AEN: variants seen among roughly 807,000 people sequenced by gnomAD.
AEN encodes the protein apoptosis-enhancing nuclease.
Under a neutral mutation model 17.7 loss-of-function variants are expected in AEN, and 21 were observed. That is an observed-to-expected ratio of 1.19 (90% CI 0.84 to 1.71). AEN has a LOEUF of 1.71. Among genes scored for constraint, AEN ranks in the 40% most tolerant of loss-of-function variants. AEN has a pLI of 0.00. For missense variants in AEN, 462 were observed against 435.9 expected (o/e 1.06, Z -0.53); for synonymous variants, 190 against 173.0 (o/e 1.10, Z -0.77).
chr15:88,630,003 G>A lies in AEN; in HGVS notation c.742-55G>A. The A allele has an allele frequency of 6.4e-7, 1 of 1,554,984 alleles. No individual in the cohort carries two copies. Among genetic ancestry groups the A allele is most frequent in the Non-Finnish European group, 8.9e-7 (1 of 1,128,840 alleles). On this transcript the variant is annotated intron_variant, in intron 3 of 3. Transcript: ENST00000332810. The surrounding 1 kb of genome is among the most constrained non-coding windows in gnomAD (Gnocchi z 5.1). ...TGGGAAACTGGCCTTGCTTCTTGGGGTAACAGGCCTCTCACTAGGCCTGCA... is the reference window on the plus strand; with the variant it reads ...TGGGAAACTGGCCTTGCTTCTTGGGATAACAGGCCTCTCACTAGGCCTGCA...
At chr15:88,611,749 G>A in the AEN span, 10 of 366,652 alleles carry the variant, frequency 2.7e-5, no homozygotes, top group African/African-American at 8.8e-5. Context: ...ACAACGCCTC[G>A]CCTGAAGGAG....
intron 1 of AEN, among the ~76,000 whole-genome samples, chr15:88,622,653 G>A (rs1248821036): frequency 6.6e-6 from 1 of 152,128 alleles, no homozygotes; most frequent in Non-Finnish European, 1.5e-5. Context: ...ATTTCACAGT[G>A]TCCTTCTATA....
At chr15:88,629,522 CCTT>C in intron 3 of AEN, 96 bp downstream of exon 3, 1 of 1,413,262 alleles carries the variant, frequency 7.1e-7, no homozygotes, top group Admixed American at 2.1e-5. Flanking sequence ...TCTCCAGCCT[CCTT>C]GTCATTCTCT....
intron 2 of AEN, chr15:88,628,845 G>T: frequency 4.8e-6 from 1 of 209,500 alleles, no homozygotes; most frequent in Non-Finnish European, 9.7e-6. Context: ...GGGAGAGTTG[G>T]GTGGAGTGGG....
At position 88,631,470 on chromosome 15, in the gene AEN, C is replaced by T; in HGVS notation, c.*1176C>T. 4.3e-6 allele frequency: 1 copy of T among 233,470 alleles called. No homozygotes were observed. The highest frequency in any genetic ancestry group is 5.4e-5 in the South Asian group (1 of 18,468). 14.5% of individuals were successfully genotyped at this position (233,470 alleles called of 1,614,324 possible). A position where few individuals can be genotyped will look rare whatever the true frequency, so the allele number is the denominator to read the frequency against. ...GACCTTGGAGCCCCATCTTTGCTTGCAGCTTAGCTTTGAGATACTAAGCAA... is the reference window on the plus strand; with the variant it reads ...GACCTTGGAGCCCCATCTTTGCTTGTAGCTTAGCTTTGAGATACTAAGCAA... On this transcript the variant is annotated 3_prime_UTR_variant, in exon 4 of 4. Coordinates refer to ENST00000332810, the MANE Select transcript of AEN (RefSeq NM_022767.4).
chr15:88,626,023 A>T, intron 1 of AEN, 123 bp from the exon 2 acceptor site: 2 of 601,952 alleles, frequency 3.3e-6, no homozygotes, highest in South Asian at 5.5e-5. Flanking sequence ...TCTGGGAGCC[A>T]CGAGCTACGG....
chr15:88,611,950 T>A, the AEN span: 1 of 487,714 alleles, frequency 2.1e-6, no homozygotes, highest in Non-Finnish European at 4.2e-6. Context: ...GTGCAGGAAA[T>A]GGGGGCAGCC....
At chr15:88,629,199 C>T (rs1364487129) in intron 2 of AEN, 27 bp from the exon 3 acceptor site, 18 of 1,612,048 alleles carry the variant, frequency 1.1e-5, no homozygotes, top group South Asian at 4.4e-5. Context: ...GTGGGGTGAC[C>T]TCCCTGACTC....
Position 88,626,170 on chromosome 15 carries a change from TC to T in AEN, c.-36del, listed in dbSNP as rs767526008. The T allele has an allele frequency of 2.0e-6, 3 of 1,525,320 alleles. No individual in the cohort carries two copies. The highest frequency in any genetic ancestry group is 8.8e-7 in the Non-Finnish European group (1 of 1,139,346). 94.5% of individuals were successfully genotyped at this position (1,525,320 alleles called of 1,614,324 possible). A position where few individuals can be genotyped will look rare whatever the true frequency, so the allele number is the denominator to read the frequency against. Reference sequence around the variant, plus strand: ...GGCTGCTGCCCCATTGGAAGATTACTCCCCAGGCTTCCCTTGCCCCAAGCAG... The same window carrying T: ...GGCTGCTGCCCCATTGGAAGATTACTCCCAGGCTTCCCTTGCCCCAAGCAG... On this transcript the variant is annotated 5_prime_UTR_variant, in exon 2 of 4. Transcript: ENST00000332810.
At chr15:88,617,025 C>T (rs892944168), upstream of AEN, among the ~76,000 whole-genome samples, 6 of 152,152 alleles carry the variant, frequency 3.9e-5, no homozygotes, top group African/African-American at 7.2e-5. Flanking sequence ...CTTAAAAAGA[C>T]GTCATTAAAT....
chr15:88,612,347 C>A, the AEN span, among the ~76,000 whole-genome samples: 14 of 152,008 alleles, frequency 9.2e-5, no homozygotes, highest in East Asian at 2.7e-3. Context: ...TTCAGTGTAC[C>A]TGGCAGCAGG....
At chr15:88,609,021 A>C in the AEN span, among the ~76,000 whole-genome samples, 1 of 152,326 alleles carries the variant, frequency 6.6e-6, no homozygotes, top group Non-Finnish European at 1.5e-5. Context: ...TTCAGGACAG[A>C]AACTCTCTGA....
chr15:88,625,876 T>A (rs894446603), intron 1 of AEN, among the ~76,000 whole-genome samples: 3 of 152,218 alleles, frequency 2.0e-5, no homozygotes, highest in African/African-American at 7.2e-5. Context: ...CTCAGTTTCT[T>A]ACCTGTAAAA....
rs2141371514 is a variant in AEN at position 88,626,151 on chromosome 15, T to C, written c.-59T>C. On this transcript the variant is annotated 5_prime_UTR_variant, in exon 2 of 4. Transcript: ENST00000332810. ...CCTGTGTGTTCTCTCTTCAGGCTGC[T>C]GCCCCATTGGAAGATTACTCCCCAG... is the stretch of plus-strand genomic sequence containing the variant. 2 of 1,508,634 alleles carry C rather than the reference T, an allele frequency of 1.3e-6. No homozygotes were observed. 93.5% of individuals were successfully genotyped at this position (1,508,634 alleles called of 1,614,324 possible).
rs372061573 is a variant in AEN, at chr15:88,629,371, G to A, written c.686G>A (p.Arg229Gln). The change falls in exon 3 of 4, where the codon CGG becomes CAG. Residue 229 changes from arginine to glutamine, a missense_variant. Arg to Gln is a conservative substitution (Grantham distance 43). Coordinates refer to ENST00000332810, the MANE Select transcript of AEN (RefSeq NM_022767.4). ...CTCAGCGAGCCCGGCCTCCACACCC[G>A]GGCCCGGGTCTCTCTAAAGGACCTG... ...NFLSEPGLHT[R>Q]ARVSLKDLAL... The A allele has an allele frequency of 8.7e-5, 140 of 1,613,916 alleles. 1 individual carries two copies. The Middle Eastern group carries it at 2.3e-3, about 27-fold the overall frequency.
chr15:88,626,632 C>T lies in AEN; in HGVS notation c.423C>T (p.Val141=). The change falls in exon 2 of 4, where the codon GTC becomes GTT. Residue 141 remains valine, a synonymous_variant. Coordinates refer to ENST00000332810, the MANE Select transcript of AEN (RefSeq NM_022767.4). Reference sequence around the variant, plus strand: ...CCATTGTGAGCTACCATGGCAATGTCCTCTATGACAAGTACATCAGGCCTG... The same window carrying T: ...CCATTGTGAGCTACCATGGCAATGTTCTCTATGACAAGTACATCAGGCCTG... ...RCSIVSYHGN[V]LYDKYIRPEM... 2 of 1,614,006 alleles carry T rather than the reference C, an allele frequency of 1.2e-6. No individual in the cohort carries two copies. Among genetic ancestry groups the T allele is most frequent in the Non-Finnish European group, 1.7e-6 (2 of 1,180,014 alleles).
In AEN at chr15:88,629,319, C is replaced by T. The variant is rs763210791; in HGVS notation, c.634C>T (p.Arg212Trp). Residue 212 changes from arginine (R) to tryptophan (W), a missense_variant, in exon 3 of 4, where the codon CGG (arginine) becomes TGG (tryptophan). Coordinates refer to ENST00000332810, the MANE Select transcript of AEN (RefSeq NM_022767.4). The stretch of plus-strand genomic sequence containing the variant: ...GTATGTCCACCCTCGGAGCCAGACC[C>T]GGGATACGACCTATGTCCCAAACTT... ...LKYVHPRSQT[R>W]DTTYVPNFLS... 11 of 1,614,122 alleles carry T rather than the reference C, an allele frequency of 6.8e-6. No individual in the cohort carries two copies. Among genetic ancestry groups the T allele is most frequent in the East Asian group, 2.2e-5 (1 of 44,860 alleles).
At chr15:88,612,000 C>T in the AEN span, 1 of 426,696 alleles carries the variant, frequency 2.3e-6, no homozygotes. Flanking sequence ...TTTTTTGTAT[C>T]TTTTGTGTTT....
At chr15:88,612,336 G>A in the AEN span, among the ~76,000 whole-genome samples, 1 of 152,036 alleles carries the variant, frequency 6.6e-6, no homozygotes, top group Admixed American at 6.5e-5. Context: ...GTTCCCGGAT[G>A]TTCAGTGTAC....
Sources: allele counts gnomAD v4.1 joint callset (sites outside exome capture counted in the v4.1 genomes callset), GRCh38; gene constraint gnomAD v4.1.1; non-coding constraint Gnocchi (gnomAD v3.1); transcripts MANE v1.5; gene names NCBI Gene and HGNC (gene_info 2026-07-23, HGNC 2026-07-21).